The following EPHB1 variants were observed in gnomAD, a reference collection of about 807,000 sequenced individuals.
EPHB1 encodes EPH receptor B1, also known as ephrin type-B receptor 1.
In EPHB1, 30 loss-of-function variants were observed where a neutral mutation model predicts 94.4. The ratio of observed to expected loss-of-function variants is 0.32; its 90% CI spans 0.24 to 0.43. The LOEUF is 0.43. Among genes scored for constraint, EPHB1 ranks in the 20% least tolerant of loss-of-function variants. The pLI is 1.00. For synonymous variants in EPHB1, 522 were observed against 489.1 expected (o/e 1.07, Z -0.89); for missense variants, 1,055 against 1,308.3 (o/e 0.81, Z 2.99).
At chr3:134,904,772 C>T (rs1425058755) in intron 1 of EPHB1, among the ~76,000 whole-genome samples, 2 of 152,202 alleles carry the variant, frequency 1.3e-5, no homozygotes, top group East Asian at 3.8e-4. Flanking sequence ...TTAGGAAACA[C>T]AAACTTTAAA....
intron 4 of EPHB1, 85 bp downstream of exon 4, chr3:135,106,688 A>G (rs572862116): frequency 3.8e-4 from 584 of 1,532,942 alleles, no homozygotes; most frequent in Non-Finnish European, 5.1e-4. Context: ...AAGAGAAGAC[A>G]TCATCCTTTG....
intron 3 of EPHB1, among the ~76,000 whole-genome samples, chr3:135,049,871 G>A (rs575015774): frequency 2.6e-5 from 4 of 152,314 alleles, no homozygotes. Flanking sequence ...TGTGAAGTCT[G>A]TGCTCTGAGT....
At chr3:134,825,572 G>GC (rs2108291503) in intron 1 of EPHB1, among the ~76,000 whole-genome samples, 2 of 152,270 alleles carry the variant, frequency 1.3e-5, no homozygotes, top group South Asian at 4.1e-4. Context: ...ACTTGCCCTG[G>GC]CCTGCAGTTC....
At chr3:134,895,555 A>G (rs2038071024) in intron 1 of EPHB1, among the ~76,000 whole-genome samples, 1 of 152,224 alleles carries the variant, frequency 6.6e-6, no homozygotes, top group Middle Eastern at 3.2e-3. Context: ...GAAGCTAAAA[A>G]TTAAAATATG....
chr3:135,213,799 G>A (rs1943081939), intron 12 of EPHB1, among the ~76,000 whole-genome samples: 1 of 152,100 alleles, frequency 6.6e-6, no homozygotes, highest in African/African-American at 2.4e-5. Flanking sequence ...TCCCTTCTTA[G>A]TATTCAGTCA....
chr3:135,190,462 T>TTA (rs751438309), intron 10 of EPHB1, among the ~76,000 whole-genome samples: 16 of 152,142 alleles, frequency 1.1e-4, no homozygotes, highest in Admixed American at 5.9e-4. Flanking sequence ...CAGCTCATAG[T>TTA]TATATATATA....
chr3:135,255,859 C>T (rs1933360446), intron 15 of EPHB1, among the ~76,000 whole-genome samples: 2 of 143,432 alleles, frequency 1.4e-5, no homozygotes, highest in Admixed American at 7.0e-5. Context: ...GTCTAAGTCT[C>T]TTTGTAGGTC....
At chr3:135,101,850 G>T (rs574617861) in intron 3 of EPHB1, among the ~76,000 whole-genome samples, 3 of 152,288 alleles carry the variant, frequency 2.0e-5, no homozygotes, top group Admixed American at 1.3e-4. Flanking sequence ...TGCAAAAGGT[G>T]TACATCCATC....
chr3:135,218,827 T>C (rs1182787200), intron 12 of EPHB1, among the ~76,000 whole-genome samples: 1 of 152,242 alleles, frequency 6.6e-6, no homozygotes, highest in Non-Finnish European at 1.5e-5. Context: ...TGTTAGGTGC[T>C]ATGGCGGAGA....
chr3:134,973,050 C>T (rs1446662669), intron 3 of EPHB1, among the ~76,000 whole-genome samples: 3 of 152,208 alleles, frequency 2.0e-5, no homozygotes, highest in Non-Finnish European at 4.4e-5. Flanking sequence ...ATAGGTGTTC[C>T]AGCAATAAGG....
At chr3:135,111,712 C>T (rs760328838) in intron 4 of EPHB1, among the ~76,000 whole-genome samples, 8 of 152,300 alleles carry the variant, frequency 5.3e-5, no homozygotes, top group East Asian at 1.9e-4. Context: ...TGGAGTCTCA[C>T]TCTGTCACCC....
At chr3:134,986,181 C>A (rs528070389) in intron 3 of EPHB1, among the ~76,000 whole-genome samples, 1 of 152,194 alleles carries the variant, frequency 6.6e-6, no homozygotes, top group Admixed American at 6.5e-5. Flanking sequence ...GGGAGTGACT[C>A]TTTTCCAGAT....
At chr3:134,886,008 G>A (rs1449454480) in intron 1 of EPHB1, among the ~76,000 whole-genome samples, 2 of 152,180 alleles carry the variant, frequency 1.3e-5, no homozygotes, top group African/African-American at 2.4e-5. Flanking sequence ...GCTGAGCATC[G>A]GTTTAAGAGT....
At chr3:135,140,226 A>G (rs935492178) in intron 5 of EPHB1, among the ~76,000 whole-genome samples, 76 of 152,276 alleles carry the variant, frequency 5.0e-4, no homozygotes, top group African/African-American at 1.8e-3. Flanking sequence ...GAGCTATCCC[A>G]TAAAGAGGCA....
intron 1 of EPHB1, among the ~76,000 whole-genome samples, chr3:134,915,777 C>T (rs557855893): frequency 8.5e-5 from 13 of 152,270 alleles, no homozygotes; most frequent in Non-Finnish European, 1.8e-4. Flanking sequence ...TCAATGGCTT[C>T]ATGAGTGAAG....
chr3:135,031,903 T>C (rs2107760985), intron 3 of EPHB1, among the ~76,000 whole-genome samples: 1 of 152,174 alleles, frequency 6.6e-6, no homozygotes, highest in African/African-American at 2.4e-5. Flanking sequence ...CCTCCAAAAT[T>C]TGAATACATT....
At chr3:135,194,188 AGG>A (rs1942535621) in intron 11 of EPHB1, among the ~76,000 whole-genome samples, 1 of 152,192 alleles carries the variant, frequency 6.6e-6, no homozygotes, top group South Asian at 2.1e-4. Context: ...ATTTTGATGA[AGG>A]GACATCAACT....
chr3:135,260,258 G>A lies in EPHB1; in HGVS notation c.*1138G>A, dbSNP rs1055276257. 1.3e-5 allele frequency: 3 copies of A among 233,000 alleles called. No homozygotes were observed. In the Admixed American group the frequency reaches 1.7e-4, roughly 13 times the overall value. The allele number at this position is 233,000 out of a possible 1,614,324, so 14.4% of individuals were successfully genotyped here. A position where few individuals can be genotyped will look rare whatever the true frequency, so the allele number is the denominator to read the frequency against. ...AAGGGAGAATTCTTGCTTTACCTATGGACTGGCTTAAGCCGTGTGGCATCC... is the reference window on the plus strand; with the variant it reads ...AAGGGAGAATTCTTGCTTTACCTATAGACTGGCTTAAGCCGTGTGGCATCC... On this transcript the variant is annotated 3_prime_UTR_variant, in exon 16 of 16. Transcript: ENST00000398015.
rs182323888 is a variant in EPHB1 at position 135,074,986 on chromosome 3, G to T, written c.806-31462G>T. On this transcript the variant is annotated intron_variant, in intron 3 of 15. Transcript: ENST00000398015. ...CCCTCGCTGTAATACACCTATCATT[G>T]CCTGTGTGGTTTTTCTTTAATAACT... Among the ~76,000 whole-genome samples the T allele has an allele frequency of 6.8e-4, 104 of 152,308 alleles. 1 individual carries two copies. The highest frequency in any genetic ancestry group is 6.7e-3 in the Admixed American group (103 of 15,296).
Sources: allele counts gnomAD v4.1 joint callset (sites outside exome capture counted in the v4.1 genomes callset), GRCh38; gene constraint gnomAD v4.1.1; transcripts MANE v1.5; gene names NCBI Gene and HGNC (gene_info 2026-07-23, HGNC 2026-07-21).